NLGN1: variants seen among roughly 807,000 people sequenced by gnomAD.
The protein encoded by NLGN1 is neuroligin-1.
NLGN1 carries 12 observed loss-of-function variants against 65.5 expected under a neutral mutation model. The ratio of observed to expected loss-of-function variants is 0.18; its 90% confidence interval spans 0.12 to 0.30. The LOEUF is 0.30. Among genes scored for constraint, NLGN1 ranks in the 10% least tolerant of loss-of-function variants. NLGN1 has a pLI of 1.00. For missense variants in NLGN1, 750 were observed against 1,007.1 expected, an observed-to-expected ratio of 0.74 and a Z score of 3.46; for synonymous variants, 350 against 359.5, an observed-to-expected ratio of 0.97 and a Z score of 0.30.
chr3:173,669,994 T>C (rs6795226), intron 3 of NLGN1, among the ~76,000 whole-genome samples: 8,556 of 152,312 alleles, frequency 0.056, 591 homozygotes, highest in African/African-American at 0.15. Context: ...AATATGCATG[T>C]CTGAAATTTA....
rs141359393 is a variant in NLGN1 at position 173,872,953 on chromosome 3, G to T, written c.646+65121G>T. ...AAGCAGATGAAAAAGGATGTGAAAC[G>T]ATCTTAGAGTTTGATGATACAATGT... On this transcript the variant is annotated intron_variant, in intron 4 of 6. Transcript: ENST00000457714. 9.9e-5 allele frequency among the ~76,000 whole-genome samples: 15 copies of T among 152,098 alleles called. No individual in the cohort carries two copies. In the East Asian group the frequency reaches 2.9e-3, roughly 29 times the overall value.
chr3:174,116,761 TTAAA>T (rs1303010369), intron 4 of NLGN1, among the ~76,000 whole-genome samples: 1 of 152,206 alleles, frequency 6.6e-6, no homozygotes, highest in African/African-American at 2.4e-5. Context: ...AATGTAGAAT[TTAAA>T]TATTCTTAGA....
At chr3:173,504,813 T>G (rs961649783) in intron 2 of NLGN1, among the ~76,000 whole-genome samples, 6 of 152,122 alleles carry the variant, frequency 3.9e-5, no homozygotes, top group African/African-American at 1.4e-4. Context: ...TATCTTTTCT[T>G]CCTACCATTC....
At chr3:174,185,038 T>G (rs1350756031) in intron 4 of NLGN1, among the ~76,000 whole-genome samples, 1 of 86,846 alleles carries the variant, frequency 1.2e-5, no homozygotes, top group African/African-American at 3.9e-5. Flanking sequence ...TGGGACCCTA[T>G]AGAGCTGCAA....
At chr3:173,779,013 A>G (rs1780734419) in intron 3 of NLGN1, among the ~76,000 whole-genome samples, 1 of 151,534 alleles carries the variant, frequency 6.6e-6, no homozygotes, top group Non-Finnish European at 1.5e-5. Flanking sequence ...ACCATATTTA[A>G]TATTTTATTC....
intron 3 of NLGN1, among the ~76,000 whole-genome samples, chr3:173,788,206 CAAAA>C (rs537790655): frequency 3.3e-5 from 2 of 60,840 alleles, no homozygotes; most frequent in Non-Finnish European, 7.1e-5. Flanking sequence ...TGACATTTTG[CAAAA>C]AAAAAAAAAA....
intron 2 of NLGN1, among the ~76,000 whole-genome samples, chr3:173,526,821 T>A (rs1735720111): frequency 6.6e-6 from 1 of 152,238 alleles, no homozygotes; most frequent in African/African-American, 2.4e-5. Flanking sequence ...TTTTTAGCTC[T>A]CACAAATAAG....
intron 1 of NLGN1, among the ~76,000 whole-genome samples, chr3:173,400,625 A>T (rs1560200061): frequency 6.6e-6 from 1 of 152,116 alleles, no homozygotes; most frequent in African/African-American, 2.4e-5. Context: ...TTCCTTCATC[A>T]TGATGCTTCC....
intron 3 of NLGN1, among the ~76,000 whole-genome samples, chr3:173,759,258 A>T (rs994486942): frequency 6.6e-6 from 1 of 151,956 alleles, no homozygotes; most frequent in Admixed American, 6.6e-5. Context: ...TTAACAACTC[A>T]TCATGGAAAT....
At chr3:174,121,729 C>T (rs1717818772) in intron 4 of NLGN1, among the ~76,000 whole-genome samples, 1 of 152,030 alleles carries the variant, frequency 6.6e-6, no homozygotes. Flanking sequence ...GTTCTTATAC[C>T]TCCGGTAGCT....
At chr3:173,854,766 A>C (rs1353304973) in intron 4 of NLGN1, among the ~76,000 whole-genome samples, 1 of 152,128 alleles carries the variant, frequency 6.6e-6, no homozygotes, top group Non-Finnish European at 1.5e-5. Flanking sequence ...AACATGTAGC[A>C]TAGAAATAGA....
intron 4 of NLGN1, among the ~76,000 whole-genome samples, chr3:174,109,110 C>T (rs906764651): frequency 6.6e-6 from 1 of 151,664 alleles, no homozygotes; most frequent in Non-Finnish European, 1.5e-5. Context: ...TAAATTTTTT[C>T]CTTTGCTAAA....
In NLGN1 at chr3:173,640,850, A is replaced by T; in HGVS notation, c.493+35759A>T. ...TTGTCATAGTTAGATCAGATTAAAC[A>T]CTTTGGCAAGAATATTACTTAGGGG... is the stretch of plus-strand genomic sequence containing the variant. On this transcript the variant is annotated intron_variant, in intron 3 of 6. Transcript: ENST00000457714. 1.3e-5 allele frequency among the ~76,000 whole-genome samples: 2 copies of T among 152,192 alleles called. 1 individual carries two copies. Among genetic ancestry groups the T allele is most frequent in the Non-Finnish European group, 2.9e-5 (2 of 68,034 alleles).
At chr3:174,202,215 T>A (rs1275107469) in intron 4 of NLGN1, among the ~76,000 whole-genome samples, 1 of 152,168 alleles carries the variant, frequency 6.6e-6, no homozygotes, top group Non-Finnish European at 1.5e-5. Flanking sequence ...ACACAAACCC[T>A]CTTGCCCAAC....
chr3:173,552,435 C>T (rs1455452499), intron 2 of NLGN1, among the ~76,000 whole-genome samples: 1 of 151,968 alleles, frequency 6.6e-6, no homozygotes, highest in African/African-American at 2.4e-5. Context: ...CTAATTTTTC[C>T]TACAAATTTG....
chr3:173,724,472 C>A, intron 3 of NLGN1: 1 of 218,840 alleles, frequency 4.6e-6, no homozygotes, highest in Non-Finnish European at 1.0e-5. Context: ...GACGAGGTTT[C>A]ACCATGTTAC....
intron 1 of NLGN1, among the ~76,000 whole-genome samples, chr3:173,404,091 GATAAATTATAA>G (rs1718187572): frequency 6.6e-6 from 1 of 152,060 alleles, no homozygotes; most frequent in African/African-American, 2.4e-5. Flanking sequence ...GTGTAGGTGA[GATAAATTATAA>G]ATAAATTGAA....
rs749984363 is a variant in NLGN1 at position 173,986,418 on chromosome 3, G to A, written c.646+178586G>A. ...CAGGAGGCAGAGGTTGCAGTGAGCC[G>A]AGATCGGGCCACTGCACTCCAGCCT... is the stretch of plus-strand genomic sequence containing the variant. On this transcript the variant is annotated intron_variant, in intron 4 of 6. Transcript: ENST00000457714. Among the ~76,000 whole-genome samples the A allele has an allele frequency of 7.9e-5, 12 of 152,122 alleles. No homozygotes were observed. The South Asian group carries it at 2.3e-3, about 29-fold the overall frequency.
At chr3:173,893,046 C>A (rs1448106546) in intron 4 of NLGN1, among the ~76,000 whole-genome samples, 1 of 152,142 alleles carries the variant, frequency 6.6e-6, no homozygotes. Context: ...GAGAATCAGA[C>A]AGAAAACAGG....
Sources: gnomAD v4.1 joint callset for allele counts (sites outside exome capture counted in the v4.1 genomes callset) on GRCh38, gnomAD v4.1.1 for gene constraint, MANE v1.5 for transcripts, NCBI Gene and HGNC (gene_info 2026-07-23, HGNC 2026-07-21) for gene names.